The following TTN variants were observed in gnomAD, a reference collection of about 807,000 sequenced individuals.
TTN encodes connectin.
TTN carries 1,525 observed loss-of-function variants against 3,223.0 expected under a neutral mutation model. That is an observed-to-expected ratio of 0.47 (90% CI 0.45 to 0.49). The LOEUF (loss-of-function observed/expected upper bound fraction) is 0.49, where lower values mean the gene tolerates loss of function less well. Ranked by LOEUF, TTN falls within the 20% of genes least tolerant of loss-of-function variation. TTN has a pLI of 0.00. For synonymous variants in TTN, 14,094 were observed against 15,161.0 expected (o/e 0.93, Z 5.17); for missense variants, 40,786 against 43,424.0 (o/e 0.94, Z 5.40).
intron 43 of TTN, among the ~76,000 whole-genome samples, chr2:178,761,833 T>C (rs975325301): frequency 6.6e-6 from 1 of 152,236 alleles, no homozygotes; most frequent in African/African-American, 2.4e-5. Flanking sequence ...ATATCATTGT[T>C]AAACTAATTA....
rs752844593 is a variant in TTN at position 178,545,478 on chromosome 2, C to T, written c.95632G>A (p.Asp31878Asn). The T allele has an allele frequency of 3.3e-5, 53 of 1,613,436 alleles. No individual in the cohort carries two copies. The highest frequency in any genetic ancestry group is 4.5e-5 in the Non-Finnish European group (53 of 1,179,490). The part of the protein sequence containing the change: ...LKVTSLMEGC[D>N]YQFRVTAVNA... ...ACTGCGGTCACCCGGAACTGGTAATCACAACCCTCCATCAGGCTGGTCACC... is the reference window on the plus strand; with the variant it reads ...ACTGCGGTCACCCGGAACTGGTAATTACAACCCTCCATCAGGCTGGTCACC... Residue 31878 changes from aspartate to asparagine, a missense_variant, in exon 344 of 363, where the codon GAT (aspartate) becomes AAT (asparagine). By Grantham distance (23) the Asp-to-Asn change is conservative (BLOSUM62 1). Coordinates refer to ENST00000589042, the MANE Select transcript of TTN (RefSeq NM_001267550.2).
chr2:178,748,294 T>A (rs759864913), intron 47 of TTN: 34 of 1,612,716 alleles, frequency 2.1e-5, no homozygotes, highest in Non-Finnish European at 2.8e-5. Flanking sequence ...GTCGGACTTC[T>A]TTTTCTAAAG....
In TTN at chr2:178,727,635, A is replaced by C. The variant is rs752299031; in HGVS notation, c.19943T>G (p.Val6648Gly). The change falls in exon 68 of 363, where the codon GTT (valine) becomes GGT (glycine). Residue 6648 changes from valine to glycine, a missense_variant. Physicochemically the swap from Val to Gly is moderately radical, Grantham distance 109. Coordinates refer to ENST00000589042, the MANE Select transcript of TTN (RefSeq NM_001267550.2). ...AGAGTCGCTACCAACATCATTGGTAACATGGCAAGTATACTGTCCAGTCTT... is the reference window on the plus strand; with the variant it reads ...AGAGTCGCTACCAACATCATTGGTACCATGGCAAGTATACTGTCCAGTCTT... ...ASKTGQYTCH[V>G]TNDVGSDSCT... 1.2e-6 allele frequency: 2 copies of C among 1,601,004 alleles called. No individual in the cohort carries two copies. The highest frequency in any genetic ancestry group is 1.7e-6 in the Non-Finnish European group (2 of 1,174,008).
rs749315046 is a variant in TTN at position 178,729,184 on chromosome 2, G to A, written c.18869-15C>T. 1 of 1,558,400 alleles carries A rather than the reference G, an allele frequency of 6.4e-7. No individual in the cohort carries two copies. The highest frequency in any genetic ancestry group is 8.7e-7 in the Non-Finnish European group (1 of 1,154,292). ...TGATGGTGGTTCTGTGATTAAATAA[G>A]AGAGTGTGAAAAGAAGAAACATATT... On this transcript the variant is annotated splice_polypyrimidine_tract_variant and intron_variant, in intron 64 of 362. Transcript: ENST00000589042.
Position 178,756,436 on chromosome 2 carries a change from G to A in TTN, c.11040C>T (p.Leu3680=). 1 of 1,613,812 alleles carries A rather than the reference G, an allele frequency of 6.2e-7. No homozygotes were observed. The highest frequency in any genetic ancestry group is 8.5e-7 in the Non-Finnish European group (1 of 1,179,812). ...TGAAAGAATCATCTTTTAAAACACA[G>A]AGGAATTGAGCCGTGTCACCGCACT... ...TVKCGDTAQF[L]CVLKDDSFID... Residue 3680 remains leucine, a synonymous_variant, in exon 46 of 363, where the codon CTC becomes CTT. Coordinates refer to ENST00000589042, the MANE Select transcript of TTN (RefSeq NM_001267550.2).
chr2:178,577,161 T>G lies in TTN; in HGVS notation c.69174A>C (p.Thr23058=). ...CTTCCAAGGGAGGTGTCCATGTAAG[T>G]GTTGCTTTTTCAGCAGAAACATTAC... ...EISNVSAEKA[T]LTWTPPLEDG... The change falls in exon 324 of 363, where the codon ACA becomes ACC. Residue 23058 remains threonine (T), a synonymous_variant. Transcript: ENST00000589042. The G allele has an allele frequency of 6.2e-7, 1 of 1,612,940 alleles. No homozygotes were observed.
At chr2:178,559,203 T>G in intron 326 of TTN, 108 bp downstream of exon 326, 1 of 1,036,528 alleles carries the variant, frequency 9.6e-7, no homozygotes, top group Non-Finnish European at 1.4e-6. Context: ...GTGTGAAGGG[T>G]GTGAACCCAA....
rs1254525209 is a variant in TTN, at chr2:178,575,557, C to T, written c.70575G>A (p.Glu23525=). ...ATGGTGCTTCAGAGGCTTTTACGGG[C>T]TCTGTAGTTTCTGTTGGCTCACCAA... ...YGIGEPTETT[E]PVKASEAPSP... Residue 23525 remains glutamate (E), a synonymous_variant, in exon 326 of 363, where the codon GAG becomes GAA. Coordinates refer to ENST00000589042, the MANE Select transcript of TTN (RefSeq NM_001267550.2). This position sits in a 1 kb window ranked among gnomAD's most constrained non-coding sequence, Gnocchi z 4.0. 6.2e-7 allele frequency: 1 copy of T among 1,613,556 alleles called. No homozygotes were observed. Among genetic ancestry groups the T allele is most frequent in the African/African-American group, 1.3e-5 (1 of 74,912 alleles).
At position 178,654,216 on chromosome 2, in the gene TTN, C is replaced by G. The variant is rs1237577240; in HGVS notation, c.38372G>C (p.Arg12791Pro). ...VAVPKKPEAP[R>P]AKVPEAAQEV... ...GGAGAGGGAATAAATACCTTTTGCA[C>G]GTGGGGCTTCCGGTTTTTTGGGCAC... Residue 12791 changes from arginine to proline, a missense_variant, in exon 193 of 363, where the codon CGT becomes CCT. By Grantham distance (103) the Arg-to-Pro change is moderately radical. Coordinates refer to ENST00000589042, the MANE Select transcript of TTN (RefSeq NM_001267550.2). 2 of 1,596,310 alleles carry G rather than the reference C, an allele frequency of 1.3e-6. No individual in the cohort carries two copies. Among genetic ancestry groups the G allele is most frequent in the Admixed American group, 1.8e-5 (1 of 57,130 alleles).
At chr2:178,673,911 C>A (rs1488233155) in intron 151 of TTN, among the ~76,000 whole-genome samples, 3 of 151,434 alleles carry the variant, frequency 2.0e-5, no homozygotes, top group Non-Finnish European at 4.4e-5. Flanking sequence ...AATGTAATAC[C>A]AATTATGCAA....
chr2:178,705,152 TG>T, intron 103 of TTN, 21 bp downstream of exon 103: 1 of 1,603,568 alleles, frequency 6.2e-7, no homozygotes, highest in South Asian at 1.1e-5. Flanking sequence ...TTTAGCATGA[TG>T]CTATATATGA....
Position 178,595,496 on chromosome 2 carries a change from T to G in TTN, c.57847+11A>C, listed in dbSNP as rs1299541911. On this transcript the variant is annotated intron_variant, in intron 295 of 362. Coordinates refer to ENST00000589042, the MANE Select transcript of TTN (RefSeq NM_001267550.2). ...AAGTGATTAAGTATACATTTTTTTTTTTTTACTTACTTATTGGCTCTCTGA... is the reference window on the plus strand; with the variant it reads ...AAGTGATTAAGTATACATTTTTTTTGTTTTACTTACTTATTGGCTCTCTGA... 29 of 1,545,494 alleles carry G rather than the reference T, an allele frequency of 1.9e-5. No homozygotes were observed. The highest frequency in any genetic ancestry group is 2.4e-5 in the Non-Finnish European group (27 of 1,145,330).
At chr2:178,663,963 G>T (rs2065318143) in intron 169 of TTN, 52 bp downstream of exon 169, 1 of 1,609,662 alleles carries the variant, frequency 6.2e-7, no homozygotes, top group Non-Finnish European at 8.5e-7. Context: ...AAAAAATATT[G>T]TCAAGAGCAG....
In TTN at chr2:178,689,899, TA is replaced by T; in HGVS notation, c.31763-4del. The T allele has an allele frequency of 1.2e-6, 2 of 1,612,636 alleles. No homozygotes were observed. The highest frequency in any genetic ancestry group is 1.7e-6 in the Non-Finnish European group (2 of 1,179,168). On this transcript the variant is annotated splice_polypyrimidine_tract_variant and splice_region_variant and intron_variant, in intron 121 of 362. Transcript: ENST00000589042. ...AGGTTTCTTTGGCACCTCTGGGACT[TA>T]AAGTTTTTGAAACACAATGTTAGTT...
In TTN at chr2:178,786,528, G is replaced by T. The variant is rs563371007; in HGVS notation, c.2077-387C>A. 3.0e-3 allele frequency among the ~76,000 whole-genome samples: 456 copies of T among 152,174 alleles called. 6 individuals are homozygous for T. The highest frequency in any genetic ancestry group is 0.01 in the African/African-American group (426 of 41,540). On this transcript the variant is annotated intron_variant, in intron 13 of 362. Coordinates refer to ENST00000589042, the MANE Select transcript of TTN (RefSeq NM_001267550.2). ...CACTGATTATTTTTATTATCTTGTTGACCATTTAGTCTGGTATTAATGCAG... is the reference window on the plus strand; with the variant it reads ...CACTGATTATTTTTATTATCTTGTTTACCATTTAGTCTGGTATTAATGCAG...
chr2:178,646,798 T>C (rs1294569427), intron 215 of TTN, among the ~76,000 whole-genome samples: 3 of 152,060 alleles, frequency 2.0e-5, no homozygotes, highest in African/African-American at 7.2e-5. Context: ...TTTGATACCG[T>C]GTTATCATTT....
rs772454567 is a variant in TTN, at chr2:178,773,950, G to C, written c.7218C>G (p.Asp2406Glu). ...QPSDRVHIVI[D>E]KQSHMLLIED... Reference sequence around the variant, plus strand: ...CAATGAGCAGCATATGAGATTGTTTGTCTATCACAATGTGAACCCTGTCAC... The same window carrying C: ...CAATGAGCAGCATATGAGATTGTTTCTCTATCACAATGTGAACCCTGTCAC... The change falls in exon 31 of 363, where the codon GAC becomes GAG. Residue 2406 changes from aspartate (D) to glutamate (E), a missense_variant. Coordinates refer to ENST00000589042, the MANE Select transcript of TTN (RefSeq NM_001267550.2). The C allele has an allele frequency of 3.1e-6, 5 of 1,614,098 alleles. No individual in the cohort carries two copies. The East Asian group carries it at 6.7e-5, about 22-fold the overall frequency.
At position 178,649,865 on chromosome 2, in the gene TTN, C is replaced by G. The variant is rs1375113784; in HGVS notation, c.39847G>C (p.Glu13283Gln). 1.2e-6 allele frequency: 2 copies of G among 1,612,402 alleles called. No homozygotes were observed. Among genetic ancestry groups the G allele is most frequent in the East Asian group, 2.2e-5 (1 of 44,830 alleles). The change falls in exon 211 of 363, where the codon GAG (glutamate) becomes CAG (glutamine). Residue 13283 changes from glutamate (E) to glutamine (Q), a missense_variant. Transcript: ENST00000589042. Reference protein sequence around the residue: ...VPEEPKKIIPEKKVPVIKKPE... With the variant: ...VPEEPKKIIPQKKVPVIKKPE... The stretch of plus-strand genomic sequence containing the variant: ...TTTTTGATGACAGGAACTTTCTTCT[C>G]TGGGATGATCTTCTTGGGCTCTTCA...
At chr2:178,583,585 A>C in intron 312 of TTN, 22 bp downstream of exon 312, 1 of 1,560,534 alleles carries the variant, frequency 6.4e-7, no homozygotes. Context: ...ATCTTTGCCT[A>C]TAATACTCAG....
Sources: gnomAD v4.1 joint callset for allele counts (sites outside exome capture counted in the v4.1 genomes callset) on GRCh38, gnomAD v4.1.1 for gene constraint, Gnocchi (gnomAD v3.1) non-coding constraint, MANE v1.5 for transcripts, NCBI Gene and HGNC (gene_info 2026-07-23, HGNC 2026-07-21) for gene names.